The following SGCZ variants were observed in gnomAD, a reference collection of about 807,000 sequenced individuals.
SGCZ encodes the protein zeta-sarcoglycan.
SGCZ carries 40 observed loss-of-function variants against 41.3 expected under a neutral mutation model. That is an observed-to-expected ratio of 0.97 (90% CI 0.75 to 1.26). The LOEUF is 1.26. Among genes scored for constraint, SGCZ ranks in the 50% most tolerant of loss-of-function variants. SGCZ has a pLI of 0.00. For synonymous variants in SGCZ, 206 were observed against 137.5 expected (o/e 1.50, Z -3.49); for missense variants, 552 against 369.8 (o/e 1.49, Z -4.04).
At chr8:14,246,175 T>G (rs751221806) in intron 3 of SGCZ, among the ~76,000 whole-genome samples, 1 of 152,152 alleles carries the variant, frequency 6.6e-6, no homozygotes, top group Non-Finnish European at 1.5e-5. Context: ...GTATTCACAA[T>G]AGCAAAGACT....
At chr8:14,710,991 G>A (rs1563218076) in intron 1 of SGCZ, among the ~76,000 whole-genome samples, 1 of 152,120 alleles carries the variant, frequency 6.6e-6, no homozygotes, top group Non-Finnish European at 1.5e-5. Flanking sequence ...ATCTTCACTA[G>A]CATTGTTTTC....
chr8:14,275,225 T>C (rs1233588548), intron 3 of SGCZ, among the ~76,000 whole-genome samples: 1 of 152,156 alleles, frequency 6.6e-6, no homozygotes, highest in Non-Finnish European at 1.5e-5. Flanking sequence ...AAACGAAATG[T>C]AAACCCATAA....
intron 1 of SGCZ, among the ~76,000 whole-genome samples, chr8:14,877,318 G>T (rs1804402553): frequency 6.6e-6 from 1 of 152,080 alleles, no homozygotes; most frequent in Admixed American, 6.6e-5. Context: ...CTAAAGTCTT[G>T]GCTACATCAT....
intron 1 of SGCZ, among the ~76,000 whole-genome samples, chr8:15,051,617 A>G (rs896209435): frequency 2.6e-5 from 4 of 152,166 alleles, no homozygotes; most frequent in Non-Finnish European, 5.9e-5. Context: ...TTCCAATTCT[A>G]GGAATACGGA....
At chr8:14,521,509 A>G (rs73531020) in intron 2 of SGCZ, among the ~76,000 whole-genome samples, 8 of 152,070 alleles carry the variant, frequency 5.3e-5, no homozygotes, top group African/African-American at 1.9e-4. Context: ...CTGCTGATTC[A>G]TATTCCACAG....
chr8:14,656,362 C>A (rs957184548), intron 1 of SGCZ, among the ~76,000 whole-genome samples: 2 of 149,146 alleles, frequency 1.3e-5, no homozygotes, highest in Non-Finnish European at 3.0e-5. Context: ...TTCCTTCTTC[C>A]TTTTCTTTTC....
intron 1 of SGCZ, among the ~76,000 whole-genome samples, chr8:14,770,512 A>T (rs550864655): frequency 6.6e-6 from 1 of 152,034 alleles, no homozygotes; most frequent in Admixed American, 6.6e-5. Flanking sequence ...TATATTAAAT[A>T]TTATAAAGTA....
chr8:14,449,515 C>T (rs1800530687), intron 2 of SGCZ, among the ~76,000 whole-genome samples: 1 of 152,036 alleles, frequency 6.6e-6, no homozygotes, highest in African/African-American at 2.4e-5. Context: ...CCAATGTGTC[C>T]TCAGAATTAC....
Position 14,515,301 on chromosome 8 carries a change from G to A in SGCZ, c.234+39431C>T, listed in dbSNP as rs539661107. Among the ~76,000 whole-genome samples the A allele has an allele frequency of 4.6e-5, 7 of 152,094 alleles. No homozygotes were observed. In the East Asian group the frequency reaches 1.4e-3, roughly 30 times the overall value. The stretch of plus-strand genomic sequence containing the variant: ...GCTCCTGCTGTATTTTTGCCTCAGA[G>A]GTTTTCAGATACTATCCTGTAAGTC... On this transcript the variant is annotated intron_variant, in intron 2 of 7. Transcript: ENST00000382080.
chr8:15,135,166 T>C (rs1457759096), intron 1 of SGCZ, among the ~76,000 whole-genome samples: 1 of 152,206 alleles, frequency 6.6e-6, no homozygotes, highest in Middle Eastern at 3.2e-3. Flanking sequence ...TAAATTATGG[T>C]TCTGAGCATT....
At chr8:14,324,022 G>A in intron 3 of SGCZ, 81 bp downstream of exon 3, 1 of 868,864 alleles carries the variant, frequency 1.2e-6, no homozygotes, top group East Asian at 2.5e-5. Flanking sequence ...GAAGAGATAA[G>A]GGGATTCTAC....
intron 1 of SGCZ, among the ~76,000 whole-genome samples, chr8:15,094,367 T>C (rs904791741): frequency 1.1e-4 from 17 of 152,126 alleles, no homozygotes; most frequent in African/African-American, 4.1e-4. Context: ...ACTCCTGACC[T>C]CACGTGATCC....
At chr8:14,343,279 G>C (rs1218658752) in intron 2 of SGCZ, among the ~76,000 whole-genome samples, 1 of 152,172 alleles carries the variant, frequency 6.6e-6, no homozygotes, top group African/African-American at 2.4e-5. Flanking sequence ...CTGGGGCACT[G>C]CCTAGTGGAG....
chr8:14,355,556 A>G (rs954565837), intron 2 of SGCZ, among the ~76,000 whole-genome samples: 1 of 152,040 alleles, frequency 6.6e-6, no homozygotes, highest in African/African-American at 2.4e-5. Context: ...GTAAAACTCA[A>G]TAATAACGTA....
chr8:14,278,597 T>C (rs1800313845), intron 3 of SGCZ, among the ~76,000 whole-genome samples: 1 of 152,160 alleles, frequency 6.6e-6, no homozygotes, highest in African/African-American at 2.4e-5. Context: ...TTGTGAAATA[T>C]AACAGATCTC....
chr8:14,342,772 C>A (rs1484248110), intron 2 of SGCZ, among the ~76,000 whole-genome samples: 2 of 152,198 alleles, frequency 1.3e-5, no homozygotes, highest in African/African-American at 4.8e-5. Flanking sequence ...GGGAAAAATT[C>A]AAGCCGGCTG....
intron 5 of SGCZ, among the ~76,000 whole-genome samples, chr8:14,150,903 T>G (rs1255257716): frequency 6.6e-6 from 1 of 152,194 alleles, no homozygotes; most frequent in African/African-American, 2.4e-5. Flanking sequence ...ATCACTGTGT[T>G]AAGTGAACTA....
At chr8:14,455,802 C>A (rs570849846) in intron 2 of SGCZ, among the ~76,000 whole-genome samples, 1 of 152,258 alleles carries the variant, frequency 6.6e-6, no homozygotes, top group South Asian at 2.1e-4. Flanking sequence ...TATGGACTGA[C>A]ATGGGTTCAT....
intron 1 of SGCZ, among the ~76,000 whole-genome samples, chr8:14,691,753 A>G (rs561443031): frequency 6.6e-6 from 1 of 152,192 alleles, no homozygotes. Context: ...ACAGAATAAT[A>G]AAATAGCAAT....
Sources: allele counts gnomAD v4.1 joint callset (sites outside exome capture counted in the v4.1 genomes callset), GRCh38; gene constraint gnomAD v4.1.1; transcripts MANE v1.5; gene names NCBI Gene and HGNC (gene_info 2026-07-23, HGNC 2026-07-21).